Variants in TIMP2 observed in about 807,000 individuals in gnomAD.
TIMP2 encodes TIMP metallopeptidase inhibitor 2.
In TIMP2, 5 loss-of-function variants were observed where a neutral mutation model predicts 24.3. The ratio of observed to expected loss-of-function variants is 0.21; its 90% CI spans 0.11 to 0.43. The LOEUF (loss-of-function observed/expected upper bound fraction) is 0.43, where lower values mean the gene tolerates loss of function less well. Among genes scored for constraint, TIMP2 ranks in the 20% least tolerant of loss-of-function variants. The pLI is 1.00. For missense variants in TIMP2, 221 were observed against 297.5 expected, an observed-to-expected ratio of 0.74 and a Z score of 1.89; for synonymous variants, 130 against 123.2, an observed-to-expected ratio of 1.06 and a Z score of -0.37.
intron 1 of TIMP2, among the ~76,000 whole-genome samples, chr17:78,881,597 G>T (rs544680278): frequency 1.3e-5 from 2 of 152,370 alleles, no homozygotes; most frequent in South Asian, 4.1e-4. Context: ...AGCGTCATTT[G>T]GTTCATTTGG....
At chr17:78,893,174 CAT>C (rs1415305318) in intron 1 of TIMP2, among the ~76,000 whole-genome samples, 6 of 98,564 alleles carry the variant, frequency 6.1e-5, no homozygotes, top group South Asian at 7.2e-4. Context: ...TGTGTGCATA[CAT>C]GTGTGTGCAG....
intron 2 of TIMP2, among the ~76,000 whole-genome samples, chr17:78,872,728 A>C (rs1007099027): frequency 1.3e-5 from 2 of 152,192 alleles, no homozygotes; most frequent in Non-Finnish European, 2.9e-5. Context: ...GTAAAGAAAG[A>C]GACTCAGGCA....
intron 1 of TIMP2, among the ~76,000 whole-genome samples, chr17:78,917,251 C>CAAAAA (rs10592875): frequency 1.4e-4 from 11 of 77,456 alleles, no homozygotes; most frequent in African/African-American, 4.5e-4. Flanking sequence ...GACTCCGTCT[C>CAAAAA]AAAAAAAAAA....
At chr17:78,862,348 A>G (rs2069574107) in intron 3 of TIMP2, among the ~76,000 whole-genome samples, 1 of 152,228 alleles carries the variant, frequency 6.6e-6, no homozygotes, top group Non-Finnish European at 1.5e-5. Flanking sequence ...GCCTCGGGAA[A>G]TAAATGCCAG....
At chr17:78,899,558 G>A (rs2070057401) in intron 1 of TIMP2, 2 of 152,278 alleles carry the variant, frequency 1.3e-5, no homozygotes, top group African/African-American at 4.8e-5. Flanking sequence ...CCCTGCCAAA[G>A]CCTGGCAATC....
chr17:78,900,892 A>G (rs936477813), intron 1 of TIMP2: 12 of 152,290 alleles, frequency 7.9e-5, no homozygotes, highest in Non-Finnish European at 1.0e-4. Context: ...AGAAGGGCCA[A>G]CGTGACTGTC....
At chr17:78,909,241 G>A (rs951673554) in intron 1 of TIMP2, among the ~76,000 whole-genome samples, 3 of 152,056 alleles carry the variant, frequency 2.0e-5, no homozygotes, top group African/African-American at 7.2e-5. Context: ...TGCAATCCCA[G>A]CTACTCGGGA....
intron 1 of TIMP2, among the ~76,000 whole-genome samples, chr17:78,881,185 T>C (rs764922890): frequency 1.3e-5 from 2 of 152,262 alleles, no homozygotes; most frequent in African/African-American, 2.4e-5. Context: ...TGGAGGGCAC[T>C]GGCCCCTCCC....
Position 78,857,570 on chromosome 17 carries a change from G to T in TIMP2, c.417C>A (p.Thr139=). 6.2e-7 allele frequency: 1 copy of T among 1,614,176 alleles called. No homozygotes were observed. ...ACCTGTGGTTCAGGCTCTTCTTCTGGGTGGTGCTCAGGGTGTCCCAGGGCA... is the reference window on the plus strand; with the variant it reads ...ACCTGTGGTTCAGGCTCTTCTTCTGTGTGGTGCTCAGGGTGTCCCAGGGCA... ...FIVPWDTLST[T]QKKSLNHRYQ... Residue 139 remains threonine, a synonymous_variant, in exon 4 of 5, where the codon ACC becomes ACA. Coordinates refer to ENST00000262768, the MANE Select transcript of TIMP2 (RefSeq NM_003255.5).
intron 1 of TIMP2, among the ~76,000 whole-genome samples, chr17:78,918,969 G>A (rs542376940): frequency 7.9e-6 from 1 of 127,068 alleles, no homozygotes; most frequent in Non-Finnish European, 1.6e-5. Context: ...GACACAGCAA[G>A]ACTCCGTCTC....
At chr17:78,892,283 A>G (rs1364894287) in intron 1 of TIMP2, 1 of 1,550,644 alleles carries the variant, frequency 6.4e-7, no homozygotes, top group African/African-American at 1.4e-5. Context: ...CCTCCAAAGC[A>G]GGTCTTCGTT....
chr17:78,910,342 A>C (rs1392486706), intron 1 of TIMP2, among the ~76,000 whole-genome samples: 1 of 151,888 alleles, frequency 6.6e-6, no homozygotes, highest in Non-Finnish European at 1.5e-5. Flanking sequence ...ACAGGTACAC[A>C]CCACCAGGCC....
chr17:78,877,404 C>A lies in TIMP2; in HGVS notation c.131-3485G>T, dbSNP rs181784386. ...GACCAGCCTAGCCAACATGGTGAAACCCCATCTCTACAAAAAATACAAAAA... is the reference window on the plus strand; with the variant it reads ...GACCAGCCTAGCCAACATGGTGAAAACCCATCTCTACAAAAAATACAAAAA... On this transcript the variant is annotated intron_variant, in intron 1 of 4. Coordinates refer to ENST00000262768, the MANE Select transcript of TIMP2 (RefSeq NM_003255.5). Among the ~76,000 whole-genome samples, 372 of 152,184 alleles carry A rather than the reference C, an allele frequency of 2.4e-3. 4 individuals carry two copies. The highest frequency in any genetic ancestry group is 8.5e-3 in the African/African-American group (354 of 41,516).
chr17:78,867,340 T>C (rs2069625621), intron 3 of TIMP2, among the ~76,000 whole-genome samples: 1 of 152,016 alleles, frequency 6.6e-6, no homozygotes, highest in South Asian at 2.1e-4. Context: ...TCTCCTATTA[T>C]CCCCAAGGAG....
In TIMP2 at chr17:78,863,184, G is replaced by A. The variant is rs532463073; in HGVS notation, c.341-5538C>T. Among the ~76,000 whole-genome samples the A allele has an allele frequency of 1.1e-3, 166 of 152,298 alleles. 1 individual carries two copies. Among genetic ancestry groups the A allele is most frequent in the Admixed American group, 9.8e-4 (15 of 15,284 alleles). ...ACATTCCCACCAACAGCGCATAAGC[G>A]TTCCTAAGCGTTCCCTTTACTCCAT... On this transcript the variant is annotated intron_variant, in intron 3 of 4. Transcript: ENST00000262768.
intron 1 of TIMP2, among the ~76,000 whole-genome samples, chr17:78,876,956 G>A (rs1599152082): frequency 6.6e-6 from 1 of 152,264 alleles, no homozygotes; most frequent in Non-Finnish European, 1.5e-5. Flanking sequence ...TCCTTCTGCA[G>A]CACTTGGTAT....
intron 1 of TIMP2, chr17:78,903,036 C>T (rs1236761315): frequency 6.6e-6 from 1 of 152,400 alleles, no homozygotes; most frequent in African/African-American, 2.4e-5. Flanking sequence ...TTGGGAGCCT[C>T]GCTAAACAGC....
At chr17:78,887,541 C>T (rs887494820) in intron 1 of TIMP2, among the ~76,000 whole-genome samples, 14 of 152,150 alleles carry the variant, frequency 9.2e-5, no homozygotes, top group Admixed American at 1.3e-4. Context: ...CGCGCCGCCA[C>T]GCCCGGCTAA....
intron 3 of TIMP2, among the ~76,000 whole-genome samples, chr17:78,866,387 T>C (rs1267067168): frequency 1.3e-5 from 2 of 152,140 alleles, no homozygotes; most frequent in African/African-American, 2.4e-5. Context: ...CCTTCTCCAT[T>C]TGATTTTTTT....
Sources: allele counts gnomAD v4.1 joint callset (sites outside exome capture counted in the v4.1 genomes callset), GRCh38; gene constraint gnomAD v4.1.1; transcripts MANE v1.5; gene names NCBI Gene and HGNC (gene_info 2026-07-23, HGNC 2026-07-21).